The following PCSK9 variants were observed in gnomAD, a reference collection of about 807,000 sequenced individuals.
PCSK9 encodes the protein proprotein convertase subtilisin/kexin type 9, also known as convertase subtilisin/kexin type 9 preproprotein.
A neutral mutation model predicts 62.1 loss-of-function variants in PCSK9; 57 were observed. That is an observed-to-expected ratio of 0.92 (90% CI 0.74 to 1.14). The LOEUF is 1.14. PCSK9 is among the 50% of genes most tolerant of loss of function. The pLI, the probability that PCSK9 is intolerant of heterozygous loss-of-function variation, is 0.00. For missense variants in PCSK9, 870 were observed against 959.8 expected, an observed-to-expected ratio of 0.91 and a Z score of 1.24; for synonymous variants, 387 against 409.4, an observed-to-expected ratio of 0.95 and a Z score of 0.66.
At chr1:55,050,117 C>T (rs1055394454) in intron 3 of PCSK9, among the ~76,000 whole-genome samples, 11 of 152,356 alleles carry the variant, frequency 7.2e-5, no homozygotes, top group Admixed American at 2.6e-4. Flanking sequence ...CTGTATTCCC[C>T]GGGCTGTCTG....
In PCSK9 at chr1:55,061,529, G is replaced by T. The variant is rs761390546; in HGVS notation, c.1836G>T (p.Glu612Asp). 6.2e-7 allele frequency: 1 copy of T among 1,602,520 alleles called. No individual in the cohort carries two copies. The highest frequency in any genetic ancestry group is 1.3e-5 in the African/African-American group (1 of 74,914). Residue 612 changes from glutamate to aspartate, a missense_variant, in exon 11 of 12, where the codon GAG becomes GAT. Transcript: ENST00000302118. Reference sequence around the variant, plus strand: ...CAGGTCTGGAATGCAAAGTCAAGGAGCATGGAATCCCGGCCCCTCAGGAGC... The same window carrying T: ...CAGGTCTGGAATGCAAAGTCAAGGATCATGGAATCCCGGCCCCTCAGGAGC... ...HAPGLECKVK[E>D]HGIPAPQEQV... is the part of the protein sequence containing the mutation.
intron 3 of PCSK9, 36 bp from the exon 4 acceptor site, chr1:55,052,242 C>A: frequency 6.2e-7 from 1 of 1,613,642 alleles, no homozygotes; most frequent in South Asian, 1.1e-5. Context: ...ACTTTATGCT[C>A]ATTCCCTCCT....
chr1:55,045,426 C>T (rs1298217350), intron 2 of PCSK9, among the ~76,000 whole-genome samples: 2 of 152,132 alleles, frequency 1.3e-5, no homozygotes, highest in East Asian at 1.9e-4. Context: ...TAAATGAGGT[C>T]GTGAAGCATT....
At chr1:55,054,050 G>T (rs1168360739) in intron 5 of PCSK9, among the ~76,000 whole-genome samples, 1 of 152,240 alleles carries the variant, frequency 6.6e-6, no homozygotes, top group Non-Finnish European at 1.5e-5. Flanking sequence ...TGTGTGTCCA[G>T]TCTGAGCACA....
chr1:55,057,606 G>A, intron 7 of PCSK9, 92 bp downstream of exon 7: 1 of 1,436,758 alleles, frequency 7.0e-7, no homozygotes, highest in Non-Finnish European at 9.5e-7. Flanking sequence ...GCCAGGCTCT[G>A]TGCAGGGGGA....
Position 55,046,510 on chromosome 1 carries a change from C to T in PCSK9, c.400-13C>T. Reference sequence around the variant, plus strand: ...GCTTAAGCAGAGTCCCCCGGCCTCTCTGGCTTCTGCAGGCCTTGAAGTTGC... The same window carrying T: ...GCTTAAGCAGAGTCCCCCGGCCTCTTTGGCTTCTGCAGGCCTTGAAGTTGC... On this transcript the variant is annotated splice_polypyrimidine_tract_variant and intron_variant, in intron 2 of 11. Transcript: ENST00000302118. 6.2e-7 allele frequency: 1 copy of T among 1,614,192 alleles called. No individual in the cohort carries two copies. Among genetic ancestry groups the T allele is most frequent in the South Asian group, 1.1e-5 (1 of 91,086 alleles).
chr1:55,061,659 T>TG lies in PCSK9; in HGVS notation c.1863+105dup, dbSNP rs1438652047. The stretch of plus-strand genomic sequence containing the variant: ...ACCACCATACCGCCATGCATCAGGG[T>TG]GGCGGTTTGCCAGGTAGATGCTGTG... On this transcript the variant is annotated intron_variant, in intron 11 of 11. Transcript: ENST00000302118. 2.8e-6 allele frequency: 4 copies of TG among 1,446,336 alleles called. No individual in the cohort carries two copies. In the African/African-American group the frequency reaches 5.6e-5, roughly 20 times the overall value. 89.6% of individuals were successfully genotyped at this position (1,446,336 alleles called of 1,614,324 possible). A position where few individuals can be genotyped will look rare whatever the true frequency, so the allele number is the denominator to read the frequency against.
In PCSK9 at chr1:55,061,368, G is replaced by A. The variant is rs1644757222; in HGVS notation, c.1682-7G>A. The A allele has an allele frequency of 6.2e-7, 1 of 1,603,748 alleles. No individual in the cohort carries two copies. Among genetic ancestry groups the A allele is most frequent in the South Asian group, 1.1e-5 (1 of 88,558 alleles). Reference sequence around the variant, plus strand: ...TTCACATCTGAGCTGGCTTTCCTCTGCCCCAGGCTGCAGCTCCCACTGGGA... The same window carrying A: ...TTCACATCTGAGCTGGCTTTCCTCTACCCCAGGCTGCAGCTCCCACTGGGA... On this transcript the variant is annotated splice_polypyrimidine_tract_variant and splice_region_variant and intron_variant, in intron 10 of 11. Transcript: ENST00000302118.
rs534769041 is a variant in PCSK9 at position 55,063,719 on chromosome 1, C to T, written c.*135C>T. The T allele has an allele frequency of 2.4e-5, 27 of 1,105,124 alleles. No homozygotes were observed. In the Admixed American group the frequency reaches 5.9e-4, roughly 24 times the overall value. 68.5% of individuals were successfully genotyped at this position (1,105,124 alleles called of 1,614,324 possible). A position where few individuals can be genotyped will look rare whatever the true frequency, so the allele number is the denominator to read the frequency against. ...TGGGGATGCTTCCGCCTTTCCGGGG[C>T]TGCTGGCCTGGCCCTTGAGTGGGGC... is the stretch of plus-strand genomic sequence containing the variant. On this transcript the variant is annotated 3_prime_UTR_variant, in exon 12 of 12. Coordinates refer to ENST00000302118, the MANE Select transcript of PCSK9 (RefSeq NM_174936.4).
intron 5 of PCSK9, 111 bp downstream of exon 5, chr1:55,052,902 G>A (rs1644686903): frequency 6.5e-7 from 1 of 1,542,348 alleles, no homozygotes; most frequent in Non-Finnish European, 8.8e-7. Flanking sequence ...TGCTGTGGCA[G>A]CCTCTGCCGC....
chr1:55,057,952 G>A lies in PCSK9; in HGVS notation c.1181-84G>A, dbSNP rs1644727827. ...TGCACGTGTGTTTGTGTGTATGTGT[G>A]TGCGTGTGTGCACTGGCAGGAGTCC... On this transcript the variant is annotated intron_variant, in intron 7 of 11. Transcript: ENST00000302118. 4 of 1,546,848 alleles carry A rather than the reference G, an allele frequency of 2.6e-6. No individual in the cohort carries two copies. The East Asian group carries it at 9.0e-5, about 35-fold the overall frequency.
intron 4 of PCSK9, 37 bp downstream of exon 4, chr1:55,052,448 C>T (rs1232131549): frequency 1.9e-6 from 3 of 1,613,128 alleles, no homozygotes; most frequent in East Asian, 4.5e-5. Flanking sequence ...CTGCCTCTGC[C>T]CATATCCCCA....
rs747072726 is a variant in PCSK9, at chr1:55,043,948, C to T, written c.313C>T (p.Arg105Trp). 3.4e-5 allele frequency: 55 copies of T among 1,614,090 alleles called. No homozygotes were observed. The highest frequency in any genetic ancestry group is 1.6e-4 in the Middle Eastern group (1 of 6,084). Reference protein sequence around the residue: ...ARRLQAQAARRGYLTKILHVF... With the variant: ...ARRLQAQAARWGYLTKILHVF... ...CCGCCTGCAGGCCCAGGCTGCCCGCCGGGGATACCTCACCAAGATCCTGCA... is the reference window on the plus strand; with the variant it reads ...CCGCCTGCAGGCCCAGGCTGCCCGCTGGGGATACCTCACCAAGATCCTGCA... Residue 105 changes from arginine (R) to tryptophan (W), a missense_variant, in exon 2 of 12, where the codon CGG becomes TGG. Coordinates refer to ENST00000302118, the MANE Select transcript of PCSK9 (RefSeq NM_174936.4).
chr1:55,056,247 AGG>A lies in PCSK9; in HGVS notation c.996+60_996+61del. On this transcript the variant is annotated intron_variant, in intron 6 of 11. Coordinates refer to ENST00000302118, the MANE Select transcript of PCSK9 (RefSeq NM_174936.4). ...GTAGGGGGCGGAGGGCGGAGGGCGG[AGG>A]GAGGGCGGGCGGGCAGGCGGGCTTC... is the stretch of plus-strand genomic sequence containing the variant. The A allele has an allele frequency of 7.4e-4, 9 of 12,194 alleles. 2 individuals carry two copies. Among genetic ancestry groups the A allele is most frequent in the Non-Finnish European group, 1.2e-3 (8 of 6,768 alleles). 0.8% of individuals were successfully genotyped at this position (12,194 alleles called of 1,614,324 possible). A position where few individuals can be genotyped will look rare whatever the true frequency, so the allele number is the denominator to read the frequency against.
In PCSK9 at chr1:55,058,658, C is replaced by T. The variant is rs1644735192; in HGVS notation, c.1503+11C>T. The T allele has an allele frequency of 6.3e-7, 1 of 1,598,630 alleles. No individual in the cohort carries two copies. Among genetic ancestry groups the T allele is most frequent in the Non-Finnish European group, 8.5e-7 (1 of 1,175,298 alleles). On this transcript the variant is annotated intron_variant, in intron 9 of 11. Transcript: ENST00000302118. ...GGCGAGCGCATGGAGGTGACTGTAC[C>T]CCTCCTTCGTGTGTGTGTGTGTGTG... is the stretch of plus-strand genomic sequence containing the variant.
At position 55,059,308 on chromosome 1, in the gene PCSK9, C is replaced by T. The variant is rs117389879; in HGVS notation, c.1504-178C>T. ...AGAACTTTTGAGTATTCAGAGCTGC[C>T]CACTGGCAGAACAGTCTTCCTTGGG... is the stretch of plus-strand genomic sequence containing the variant. On this transcript the variant is annotated intron_variant, in intron 9 of 11. Coordinates refer to ENST00000302118, the MANE Select transcript of PCSK9 (RefSeq NM_174936.4). Among the ~76,000 whole-genome samples the T allele has an allele frequency of 1.3e-3, 192 of 152,288 alleles. 3 individuals carry two copies. The East Asian group carries it at 0.031, about 25-fold the overall frequency.
At chr1:55,048,400 C>G (rs2479412) in intron 3 of PCSK9, among the ~76,000 whole-genome samples, 13,093 of 152,292 alleles carry the variant, frequency 0.086, 776 homozygotes, top group African/African-American at 0.16. Flanking sequence ...GTGAGTGTAT[C>G]TCTTTGGCAG....
At chr1:55,048,876 G>A (rs1285219290) in intron 3 of PCSK9, among the ~76,000 whole-genome samples, 1 of 152,254 alleles carries the variant, frequency 6.6e-6, no homozygotes, top group Non-Finnish European at 1.5e-5. Context: ...TGAGTGAGGT[G>A]CTGTGATTTT....
intron 9 of PCSK9, among the ~76,000 whole-genome samples, 194 bp from the exon 10 acceptor site, chr1:55,059,292 G>T (rs1383587131): frequency 6.6e-6 from 1 of 152,196 alleles, no homozygotes; most frequent in East Asian, 1.9e-4. Flanking sequence ...AAGAACTTTT[G>T]AGTATTCAGA....
Sources: allele counts gnomAD v4.1 joint callset (sites outside exome capture counted in the v4.1 genomes callset), GRCh38; gene constraint gnomAD v4.1.1; transcripts MANE v1.5; gene names NCBI Gene and HGNC (gene_info 2026-07-23, HGNC 2026-07-21).